KANK4: variants seen among roughly 807,000 people sequenced by gnomAD.
The protein encoded by KANK4 is KN motif and ankyrin repeat domains 4.
In KANK4, 50 loss-of-function variants were observed where a neutral mutation model predicts 80.8. The ratio of observed to expected loss-of-function variants is 0.62; its 90% CI spans 0.49 to 0.78. The LOEUF is 0.78. Ranked by LOEUF, KANK4 falls within the 30% of genes least tolerant of loss-of-function variation. The pLI is 0.00. For missense variants in KANK4, 1,196 were observed against 1,240.1 expected (o/e 0.96, Z 0.53); for synonymous variants, 465 against 506.9 (o/e 0.92, Z 1.11).
chr1:62,287,091 G>A (rs948751763), intron 1 of KANK4, among the ~76,000 whole-genome samples: 4 of 152,248 alleles, frequency 2.6e-5, no homozygotes, highest in Admixed American at 2.6e-4. Flanking sequence ...GAGGAGCAAG[G>A]TTTCAGAGTG....
intron 1 of KANK4, among the ~76,000 whole-genome samples, chr1:62,312,973 TTC>T (rs143247575): frequency 0.35 from 53,809 of 151,872 alleles, 10,431 homozygotes; most frequent in Middle Eastern, 0.47. Flanking sequence ...AATACAGTGG[TTC>T]CCCCCCAAAC....
Position 62,299,339 on chromosome 1 carries a change from C to A in KANK4, c.-70-17705G>T, listed in dbSNP as rs962811827. ...CCTCCTAAAGTGTTCAGATTACAGG[C>A]ATGAGTGACACACCCAGACAACTGC... On this transcript the variant is annotated intron_variant, in intron 1 of 9. Coordinates refer to ENST00000371153, the MANE Select transcript of KANK4 (RefSeq NM_181712.5). Among the ~76,000 whole-genome samples, 6 of 152,160 alleles carry A rather than the reference C, an allele frequency of 3.9e-5. No individual in the cohort carries two copies. In the East Asian group the frequency reaches 1.2e-3, roughly 29 times the overall value.
At chr1:62,299,494 G>A (rs767758317) in intron 1 of KANK4, among the ~76,000 whole-genome samples, 1 of 152,144 alleles carries the variant, frequency 6.6e-6, no homozygotes, top group Non-Finnish European at 1.5e-5. Flanking sequence ...CAGAGGTAGA[G>A]AATGGGCAGC....
chr1:62,284,107 C>G (rs1032140101), intron 1 of KANK4, among the ~76,000 whole-genome samples: 1 of 152,126 alleles, frequency 6.6e-6, no homozygotes, highest in Middle Eastern at 3.2e-3. Context: ...GTCACCACTT[C>G]CAGCCCCGAC....
In KANK4 at chr1:62,302,476, A is replaced by G. The variant is rs144968518; in HGVS notation, c.-71+16630T>C. Among the ~76,000 whole-genome samples the G allele has an allele frequency of 3.2e-3, 488 of 152,166 alleles. 4 individuals are homozygous for G. Among genetic ancestry groups the G allele is most frequent in the African/African-American group, 0.011 (475 of 41,530 alleles). ...TTTACAATGAGAAGACTAGGCAAAG[A>G]GAGGGTGCTTACAGACTGAATGAGC... On this transcript the variant is annotated intron_variant, in intron 1 of 9. Coordinates refer to ENST00000371153, the MANE Select transcript of KANK4 (RefSeq NM_181712.5).
At chr1:62,299,658 G>A (rs910604315) in intron 1 of KANK4, among the ~76,000 whole-genome samples, 2 of 152,174 alleles carry the variant, frequency 1.3e-5, no homozygotes, top group Non-Finnish European at 2.9e-5. Context: ...CTTTACTTCT[G>A]TTTCCCAAGT....
intron 7 of KANK4, among the ~76,000 whole-genome samples, chr1:62,261,411 C>T (rs983847892): frequency 8.5e-5 from 13 of 152,140 alleles, no homozygotes; most frequent in Admixed American, 3.9e-4. Flanking sequence ...CCACCCGCTT[C>T]GGCCTCCCAA....
intron 4 of KANK4, among the ~76,000 whole-genome samples, chr1:62,270,413 G>T (rs1325560938): frequency 1.4e-5 from 2 of 147,008 alleles, no homozygotes; most frequent in Non-Finnish European, 3.0e-5. Flanking sequence ...ACTGAGTCTC[G>T]CTCTGTCACC....
At chr1:62,257,075 C>T (rs993414522) in intron 7 of KANK4, among the ~76,000 whole-genome samples, 1 of 151,880 alleles carries the variant, frequency 6.6e-6, no homozygotes, top group Non-Finnish European at 1.5e-5. Flanking sequence ...GGCTAAGGAC[C>T]CAGGATTTTA....
chr1:62,267,880 G>C (rs1672062752), intron 5 of KANK4, among the ~76,000 whole-genome samples: 2 of 151,758 alleles, frequency 1.3e-5, no homozygotes, highest in Admixed American at 1.3e-4. Flanking sequence ...GGGTAACAAT[G>C]AGAAGGACTG....
In KANK4 at chr1:62,274,604, G is replaced by A; in HGVS notation, c.500C>T (p.Ala167Val). 6.2e-7 allele frequency: 1 copy of A among 1,614,088 alleles called. No homozygotes were observed. Reference protein sequence around the residue: ...PQLLRASSMPATLLHSRASEE... With the variant: ...PQLLRASSMPVTLLHSRASEE... Reference sequence around the variant, plus strand: ...AGAAGCCCTGCTGTGCAGCAGCGTGGCAGGCATGCTGGATGCTCTCAAGAG... The same window carrying A: ...AGAAGCCCTGCTGTGCAGCAGCGTGACAGGCATGCTGGATGCTCTCAAGAG... The change falls in exon 3 of 10, where the codon GCC (alanine) becomes GTC (valine). Residue 167 changes from alanine to valine, a missense_variant. Physicochemically the swap from Ala to Val is moderately conservative, Grantham distance 64. Transcript: ENST00000371153.
rs1463569727 is a variant in KANK4 at position 62,263,245 on chromosome 1, CG to C, written c.2385del (p.Ala796ProfsTer18). On this transcript the variant is annotated frameshift_variant, in exon 7 of 10. Transcript: ENST00000371153. LOFTEE classifies it high-confidence loss of function. ...TCGTGGAGGTAGGAGGCCACCACGGCGGGGCTAGACGACTTCCGGCTGGAGA... is the reference window on the plus strand; with the variant it reads ...TCGTGGAGGTAGGAGGCCACCACGGCGGGCTAGACGACTTCCGGCTGGAGA... ...FRVSSRKSSSPAVVASYLHEV... is the reference protein window; with the variant it reads ...FRVSSRKSSSXAVVASYLHEV... The C allele has an allele frequency of 6.2e-7, 1 of 1,613,524 alleles. No homozygotes were observed. The highest frequency in any genetic ancestry group is 8.5e-7 in the Non-Finnish European group (1 of 1,179,842).
intron 1 of KANK4, among the ~76,000 whole-genome samples, chr1:62,292,492 C>T (rs1672699506): frequency 6.6e-6 from 1 of 152,128 alleles, no homozygotes. Flanking sequence ...CTCACCAGAC[C>T]CCACCTCCCC....
At chr1:62,285,826 C>G (rs563302452) in intron 1 of KANK4, among the ~76,000 whole-genome samples, 3 of 152,050 alleles carry the variant, frequency 2.0e-5, no homozygotes, top group Non-Finnish European at 4.4e-5. Flanking sequence ...CTGATCATGC[C>G]AAGATGATGA....
chr1:62,273,339 T>C lies in KANK4; in HGVS notation c.1765A>G (p.Ile589Val). Residue 589 changes from isoleucine (I) to valine (V), a missense_variant, in exon 3 of 10, where the codon ATC becomes GTC. Physicochemically the swap from Ile to Val is conservative, Grantham distance 29. This residue lies in a region of KANK4 where 1,154 missense variants were observed against 1,179.6 expected (regional missense o/e 0.98). Coordinates refer to ENST00000371153, the MANE Select transcript of KANK4 (RefSeq NM_181712.5). Reference sequence around the variant, plus strand: ...CTGAGCTTGGAGGCTGGCTGCTTGATGGCGCTGGCCAGCTCCGGGTACCCA... The same window carrying C: ...CTGAGCTTGGAGGCTGGCTGCTTGACGGCGCTGGCCAGCTCCGGGTACCCA... ...EHGYPELASAIKQPASKLSSI... is the reference protein window; with the variant it reads ...EHGYPELASAVKQPASKLSSI... 3 of 1,608,844 alleles carry C rather than the reference T, an allele frequency of 1.9e-6. No homozygotes were observed. Among genetic ancestry groups the C allele is most frequent in the East Asian group, 2.2e-5 (1 of 44,702 alleles).
chr1:62,312,687 A>G (rs1571057535), intron 1 of KANK4, among the ~76,000 whole-genome samples: 1 of 152,214 alleles, frequency 6.6e-6, no homozygotes, highest in African/African-American at 2.4e-5. Flanking sequence ...GCTGCCTGGC[A>G]CCTGCCAAGA....
chr1:62,276,637 C>T (rs528048446), intron 2 of KANK4, among the ~76,000 whole-genome samples: 1 of 152,144 alleles, frequency 6.6e-6, no homozygotes, highest in African/African-American at 2.4e-5. Context: ...GTTAGCCGGG[C>T]ATGGTGGCAG....
At chr1:62,251,353 G>T (rs115717477) in intron 8 of KANK4, among the ~76,000 whole-genome samples, 49 of 152,278 alleles carry the variant, frequency 3.2e-4, no homozygotes, top group African/African-American at 1.1e-3. Context: ...ACTGTAGCAG[G>T]CTACCTTGTT....
At position 62,283,336 on chromosome 1, in the gene KANK4, C is replaced by T. The variant is rs1419028385; in HGVS notation, c.-70-1702G>A. On this transcript the variant is annotated intron_variant, in intron 1 of 9. Coordinates refer to ENST00000371153, the MANE Select transcript of KANK4 (RefSeq NM_181712.5). ...ATCTCATGCAATCTTTACACCATCA[C>T]CCAAAGAGGATTATTATTATTCCTA... Among the ~76,000 whole-genome samples, 5 of 152,120 alleles carry T rather than the reference C, an allele frequency of 3.3e-5. No individual in the cohort carries two copies. The East Asian group carries it at 9.6e-4, about 29-fold the overall frequency.
Sources: allele counts gnomAD v4.1 joint callset (sites outside exome capture counted in the v4.1 genomes callset), GRCh38; gene constraint gnomAD v4.1.1; regional missense constraint gnomAD v4.1.1; transcripts MANE v1.5; gene names NCBI Gene and HGNC (gene_info 2026-07-23, HGNC 2026-07-21).